BBS9: variants seen among roughly 807,000 people sequenced by gnomAD.
The protein encoded by BBS9 is protein PTHB1.
A neutral mutation model predicts 117.7 loss-of-function variants in BBS9; 89 were observed. The observed-to-expected ratio is 0.76, with a 90% confidence interval of 0.64 to 0.90. BBS9 has a LOEUF of 0.90. Among genes scored for constraint, BBS9 ranks in the 40% least tolerant of loss-of-function variants. BBS9 has a pLI of 0.00. For synonymous variants in BBS9, 379 were observed against 370.9 expected (o/e 1.02, Z -0.25); for missense variants, 982 against 1,042.2 (o/e 0.94, Z 0.80).
chr7:33,173,539 T>G (rs1042297044), intron 4 of BBS9, among the ~76,000 whole-genome samples: 1 of 147,798 alleles, frequency 6.8e-6, no homozygotes, highest in Non-Finnish European at 1.5e-5. Flanking sequence ...GCCACTGCAC[T>G]CCAGCCTTGG....
chr7:33,232,279 A>G (rs1360419865), intron 5 of BBS9, among the ~76,000 whole-genome samples: 1 of 152,160 alleles, frequency 6.6e-6, no homozygotes, highest in Non-Finnish European at 1.5e-5. Context: ...TTTAAAAATT[A>G]TACAGGTAAT....
At chr7:33,461,239 T>C (rs1189680263) in intron 19 of BBS9, among the ~76,000 whole-genome samples, 2 of 152,008 alleles carry the variant, frequency 1.3e-5, no homozygotes, top group African/African-American at 4.8e-5. Context: ...CTTTTGGGTA[T>C]ATACCTAGAA....
Position 33,501,510 on chromosome 7 carries a change from C to T in BBS9, c.2116-3953C>T, listed in dbSNP as rs530196692. ...CTGAGACTTAGACGATGCTTCTGTC[C>T]GATTGATATATTTTGGGCCTTGCTC... On this transcript the variant is annotated intron_variant, in intron 19 of 22. Transcript: ENST00000242067. 1.5e-4 allele frequency among the ~76,000 whole-genome samples: 23 copies of T among 152,254 alleles called. No homozygotes were observed. In the South Asian group the frequency reaches 1.7e-3, roughly 11 times the overall value.
chr7:33,376,626 C>T (rs1324759308), intron 17 of BBS9, among the ~76,000 whole-genome samples: 3 of 152,216 alleles, frequency 2.0e-5, no homozygotes, highest in East Asian at 1.9e-4. Context: ...ACACTGCTTT[C>T]CACAAGGGTT....
chr7:33,474,786 A>G (rs1301409858), intron 19 of BBS9, among the ~76,000 whole-genome samples: 1 of 152,150 alleles, frequency 6.6e-6, no homozygotes, highest in Non-Finnish European at 1.5e-5. Flanking sequence ...TTTCTACTAA[A>G]AATACAAAAA....
At chr7:33,595,402 A>G (rs2129185748) in intron 21 of BBS9, among the ~76,000 whole-genome samples, 1 of 152,326 alleles carries the variant, frequency 6.6e-6, no homozygotes, top group South Asian at 2.1e-4. Context: ...TTCTCAAAAG[A>G]AGACATTTAT....
chr7:33,424,991 C>T (rs1189861936), intron 19 of BBS9, among the ~76,000 whole-genome samples: 5 of 151,788 alleles, frequency 3.3e-5, no homozygotes, highest in African/African-American at 1.2e-4. Context: ...CTCTTCTTCC[C>T]CTAAAGTATG....
chr7:33,288,338 G>T (rs1803305859), intron 9 of BBS9, among the ~76,000 whole-genome samples: 1 of 152,126 alleles, frequency 6.6e-6, no homozygotes, highest in African/African-American at 2.4e-5. Flanking sequence ...TCTCTTGGTT[G>T]TGAGACAAAA....
chr7:33,501,721 TTATGA>T (rs1845471794), intron 19 of BBS9, among the ~76,000 whole-genome samples: 2 of 152,208 alleles, frequency 1.3e-5, no homozygotes, highest in South Asian at 4.1e-4. Context: ...CAAATATTTG[TTATGA>T]TCTGATAGCT....
intron 9 of BBS9, among the ~76,000 whole-genome samples, chr7:33,329,310 C>T (rs1304522986): frequency 5.3e-5 from 8 of 152,058 alleles, no homozygotes; most frequent in South Asian, 2.1e-4. Context: ...TGTGAGCCAC[C>T]GTGCCTGGCC....
At chr7:33,264,234 A>C (rs1384779541) in intron 6 of BBS9, 56 bp from the exon 7 acceptor site, 4 of 914,790 alleles carry the variant, frequency 4.4e-6, no homozygotes, top group Non-Finnish European at 6.2e-6. Context: ...GTTTAAAATA[A>C]TTTATAATTT....
At chr7:33,217,652 C>T (rs150578223) in intron 5 of BBS9, among the ~76,000 whole-genome samples, 13 of 152,306 alleles carry the variant, frequency 8.5e-5, no homozygotes, top group African/African-American at 2.6e-4. Context: ...ATAACACTAG[C>T]GTTCAAACAA....
chr7:33,298,412 G>A (rs1308275414), intron 9 of BBS9, among the ~76,000 whole-genome samples: 2 of 152,110 alleles, frequency 1.3e-5, no homozygotes, highest in Non-Finnish European at 2.9e-5. Flanking sequence ...TTATTAGACT[G>A]CCTGGCACAT....
chr7:33,488,988 CTTTTTTTTTTTT>C (rs869216155), intron 19 of BBS9, among the ~76,000 whole-genome samples: 2 of 103,316 alleles, frequency 1.9e-5, no homozygotes, highest in African/African-American at 7.7e-5. Context: ...GGACAGACTT[CTTTTTTTTTTTT>C]TTTTTTTTTT....
chr7:33,391,883 T>G (rs1020469313), intron 19 of BBS9, among the ~76,000 whole-genome samples: 7 of 152,202 alleles, frequency 4.6e-5, no homozygotes, highest in African/African-American at 1.7e-4. Context: ...ACACATGAGG[T>G]TTAAAAAAAC....
intron 1 of BBS9, among the ~76,000 whole-genome samples, chr7:33,134,215 A>ATTTT (rs59609414): frequency 8.5e-6 from 1 of 118,054 alleles, no homozygotes; most frequent in African/African-American, 3.3e-5. Context: ...ACGCCTGGCT[A>ATTTT]TTTTTTTTTT....
At chr7:33,514,621 G>T (rs191119732) in intron 20 of BBS9, among the ~76,000 whole-genome samples, 2 of 152,082 alleles carry the variant, frequency 1.3e-5, no homozygotes, top group Non-Finnish European at 2.9e-5. Flanking sequence ...AAAACACATC[G>T]AGTGAGAAAA....
intron 17 of BBS9, among the ~76,000 whole-genome samples, chr7:33,374,234 G>T (rs185921867): frequency 1.4e-4 from 22 of 152,292 alleles, no homozygotes; most frequent in African/African-American, 4.8e-4. Flanking sequence ...ATTCTAGGAA[G>T]AGGGGAAAGT....
chr7:33,489,875 C>T (rs769006770), intron 19 of BBS9, among the ~76,000 whole-genome samples: 16 of 152,138 alleles, frequency 1.1e-4, no homozygotes, highest in Non-Finnish European at 2.1e-4. Context: ...TTGTGTGATA[C>T]TTGTTATTTT....
Sources: allele counts gnomAD v4.1 joint callset (sites outside exome capture counted in the v4.1 genomes callset), GRCh38; gene constraint gnomAD v4.1.1; transcripts MANE v1.5; gene names NCBI Gene and HGNC (gene_info 2026-07-23, HGNC 2026-07-21).